Variants in NRXN1 observed in about 807,000 individuals in gnomAD.
The protein encoded by NRXN1 is neurexin-1.
A neutral mutation model predicts 150.9 loss-of-function variants in NRXN1; 39 were observed. The observed-to-expected ratio is 0.26, with a 90% CI of 0.20 to 0.34. NRXN1 has a LOEUF of 0.34. Among genes scored for constraint, NRXN1 ranks in the 10% least tolerant of loss-of-function variants. The pLI, the probability that NRXN1 is intolerant of heterozygous loss-of-function variation, is 1.00. For missense variants in NRXN1, 1,815 were observed against 1,949.9 expected (o/e 0.93, Z 1.30); for synonymous variants, 924 against 757.0 (o/e 1.22, Z -3.62).
chr2:49,993,069 C>A (rs1042917982), intron 21 of NRXN1, among the ~76,000 whole-genome samples: 2 of 152,154 alleles, frequency 1.3e-5, no homozygotes, highest in Non-Finnish European at 2.9e-5. Context: ...TATTTACTCC[C>A]AAAAGTTGAA....
intron 17 of NRXN1, among the ~76,000 whole-genome samples, chr2:50,309,061 T>C (rs1272062339): frequency 1.3e-5 from 2 of 152,204 alleles, no homozygotes; most frequent in African/African-American, 2.4e-5. Context: ...AGAAAATCAC[T>C]GAATGCAAAG....
At chr2:50,413,245 C>T (rs1284876264) in intron 17 of NRXN1, among the ~76,000 whole-genome samples, 1 of 152,164 alleles carries the variant, frequency 6.6e-6, no homozygotes, top group Non-Finnish European at 1.5e-5. Context: ...AGAAAATAAT[C>T]TAATGATCCA....
At chr2:50,354,007 A>G (rs1360852822) in intron 17 of NRXN1, among the ~76,000 whole-genome samples, 1 of 152,116 alleles carries the variant, frequency 6.6e-6, no homozygotes, top group Non-Finnish European at 1.5e-5. Flanking sequence ...TCCTTATTTC[A>G]GGTTTTATTA....
At chr2:50,845,323 T>C (rs114245310) in intron 5 of NRXN1, among the ~76,000 whole-genome samples, 3,557 of 152,296 alleles carry the variant, frequency 0.023, 104 homozygotes, top group Non-Finnish European at 0.028. Context: ...GAGTACTTAC[T>C]ATAATCCAGG....
chr2:50,155,576 T>TA (rs893017314), intron 18 of NRXN1, among the ~76,000 whole-genome samples: 41 of 151,762 alleles, frequency 2.7e-4, no homozygotes, highest in Non-Finnish European at 5.0e-4. Flanking sequence ...TTCTCTAGAA[T>TA]AAAAAACAAT....
intron 18 of NRXN1, among the ~76,000 whole-genome samples, chr2:50,206,547 A>G (rs2062594257): frequency 6.6e-6 from 1 of 151,866 alleles, no homozygotes; most frequent in Admixed American, 6.6e-5. Context: ...CTCTGTCTAA[A>G]CCTGAGCATC....
chr2:50,442,279 C>T (rs1475008969), intron 17 of NRXN1, among the ~76,000 whole-genome samples: 1 of 151,986 alleles, frequency 6.6e-6, no homozygotes. Flanking sequence ...CTACATGTTG[C>T]CTATCATTAT....
intron 18 of NRXN1, among the ~76,000 whole-genome samples, chr2:50,134,675 C>T (rs1706108013): frequency 6.6e-6 from 1 of 152,126 alleles, no homozygotes; most frequent in Non-Finnish European, 1.5e-5. Flanking sequence ...TTTCTCTCCC[C>T]TCCTTCCCCC....
At chr2:50,438,096 C>G (rs1203070377) in intron 17 of NRXN1, among the ~76,000 whole-genome samples, 1 of 152,132 alleles carries the variant, frequency 6.6e-6, no homozygotes, top group East Asian at 1.9e-4. Flanking sequence ...TTCCTACTGC[C>G]CCAAAACCTG....
At chr2:50,718,893 A>T (rs776564622) in intron 5 of NRXN1, among the ~76,000 whole-genome samples, 1 of 151,884 alleles carries the variant, frequency 6.6e-6, no homozygotes, top group Non-Finnish European at 1.5e-5. Flanking sequence ...TTTATCACTA[A>T]GCTGATTAGA....
chr2:50,296,627 TG>T (rs981698704), intron 17 of NRXN1, among the ~76,000 whole-genome samples: 13 of 151,876 alleles, frequency 8.6e-5, no homozygotes, highest in African/African-American at 2.9e-4. Context: ...CACTACTGGC[TG>T]GCTATTTTTA....
intron 17 of NRXN1, among the ~76,000 whole-genome samples, chr2:50,444,691 T>G (rs2086251186): frequency 6.6e-6 from 1 of 152,108 alleles, no homozygotes; most frequent in South Asian, 2.1e-4. Context: ...AAATCAAAAT[T>G]AATATTTTAA....
At chr2:50,965,478 T>C (rs1205056517) in intron 2 of NRXN1, among the ~76,000 whole-genome samples, 1 of 151,526 alleles carries the variant, frequency 6.6e-6, no homozygotes, top group African/African-American at 2.4e-5. Flanking sequence ...AAAATAATAA[T>C]TTTCAAACTG....
At chr2:50,660,937 G>A (rs944063918) in intron 5 of NRXN1, among the ~76,000 whole-genome samples, 1 of 151,952 alleles carries the variant, frequency 6.6e-6, no homozygotes, top group Non-Finnish European at 1.5e-5. Flanking sequence ...GTATGTGTAG[G>A]TGCATGTCTG....
At chr2:50,738,680 A>G (rs1699059908) in intron 5 of NRXN1, among the ~76,000 whole-genome samples, 1 of 152,142 alleles carries the variant, frequency 6.6e-6, no homozygotes, top group Non-Finnish European at 1.5e-5. Flanking sequence ...GGGGAGTGGG[A>G]GGAGGAAATG....
intron 2 of NRXN1, among the ~76,000 whole-genome samples, chr2:51,017,615 A>C (rs1180243253): frequency 1.4e-5 from 2 of 145,128 alleles, no homozygotes; most frequent in African/African-American, 2.6e-5. Context: ...GTACTCCCAA[A>C]GCACTGGGAT....
intron 19 of NRXN1, among the ~76,000 whole-genome samples, chr2:50,086,680 T>C (rs961250385): frequency 1.3e-5 from 2 of 152,168 alleles, no homozygotes; most frequent in Non-Finnish European, 2.9e-5. Flanking sequence ...ACATGAATAA[T>C]AATGTCTTTG....
intron 17 of NRXN1, among the ~76,000 whole-genome samples, chr2:50,336,263 A>C (rs2077184473): frequency 6.6e-6 from 1 of 152,174 alleles, no homozygotes; most frequent in Non-Finnish European, 1.5e-5. Flanking sequence ...TAGTTAAGAG[A>C]CTCAAACTAG....
intron 22 of NRXN1, among the ~76,000 whole-genome samples, chr2:49,941,327 C>T (rs144534774): frequency 1.3e-5 from 2 of 150,556 alleles, no homozygotes; most frequent in East Asian, 4.0e-4. Flanking sequence ...AGACAAAAAT[C>T]GGGTGAACAA....
Sources: allele counts gnomAD v4.1 joint callset (sites outside exome capture counted in the v4.1 genomes callset), GRCh38; gene constraint gnomAD v4.1.1; transcripts MANE v1.5; gene names NCBI Gene and HGNC (gene_info 2026-07-23, HGNC 2026-07-21).